MED6: variants seen among roughly 807,000 people sequenced by gnomAD.
MED6 encodes mediator complex subunit 6, also known as mediator of RNA polymerase II transcription subunit 6.
A neutral mutation model predicts 37.5 loss-of-function variants in MED6; 33 were observed. The observed-to-expected ratio is 0.88, with a 90% CI of 0.67 to 1.18. The LOEUF (loss-of-function observed/expected upper bound fraction) is 1.18. MED6 is among the 50% of genes most tolerant of loss of function. MED6 has a pLI of 0.00. For synonymous variants in MED6, 94 were observed against 93.6 expected (o/e 1.00, Z -0.02); for missense variants, 235 against 290.6 (o/e 0.81, Z 1.39).
At chr14:70,596,941 TTAAATC>T (rs1378224902) in intron 2 of MED6, among the ~76,000 whole-genome samples, 3 of 152,214 alleles carry the variant, frequency 2.0e-5, no homozygotes, top group Non-Finnish European at 2.9e-5. Context: ...TATTATAAAT[TTAAATC>T]TAAGTATTTT....
chr14:70,597,913 T>C (rs572443653), intron 1 of MED6, 136 bp from the exon 2 acceptor site: 3 of 543,660 alleles, frequency 5.5e-6, no homozygotes, highest in African/African-American at 2.0e-5. Context: ...CACACTCTCA[T>C]GATGTAACAG....
rs753276949 is a variant in MED6 at position 70,593,283 on chromosome 14, T to G, written c.357+13A>C. ...AGTTTTCTTTAGTGCTTAAAGAATG[T>G]GAAGACACTTACCACTCTAGAGTTT... On this transcript the variant is annotated intron_variant, in intron 4 of 7. Transcript: ENST00000256379. 1.0e-5 allele frequency: 16 copies of G among 1,607,544 alleles called. No homozygotes were observed. Among genetic ancestry groups the G allele is most frequent in the Non-Finnish European group, 1.4e-5 (16 of 1,174,254 alleles).
intron 6 of MED6, among the ~76,000 whole-genome samples, chr14:70,586,549 T>G (rs1884713194): frequency 6.6e-6 from 1 of 152,224 alleles, no homozygotes. Flanking sequence ...TAACTTTATA[T>G]ACATATACAC....
Position 70,584,851 on chromosome 14 carries a change from C to T in MED6, c.703G>A (p.Ala235Thr), listed in dbSNP as rs758125507. 2 of 1,614,130 alleles carry T rather than the reference C, an allele frequency of 1.2e-6. No homozygotes were observed. Among genetic ancestry groups the T allele is most frequent in the Non-Finnish European group, 1.7e-6 (2 of 1,180,012 alleles). ...TTKNVQQTVS[A>T]KGPPEKRMRL... The stretch of plus-strand genomic sequence containing the variant: ...ATCCGTTTTTCAGGGGGGCCTTTAG[C>T]ACTCACTGTCTGTTGTACATTCTTT... The change falls in exon 8 of 8, where the codon GCT becomes ACT. Residue 235 changes from alanine to threonine, a missense_variant. Coordinates refer to ENST00000256379, the MANE Select transcript of MED6 (RefSeq NM_005466.4).
chr14:70,584,984 T>TG, intron 7 of MED6, 41 bp from the exon 8 acceptor site: 1 of 1,594,028 alleles, frequency 6.3e-7, no homozygotes, highest in East Asian at 2.2e-5. Flanking sequence ...GAGATATGGG[T>TG]GGGGGGAATG....
intron 6 of MED6, among the ~76,000 whole-genome samples, chr14:70,590,863 T>C (rs1326174396): frequency 2.0e-5 from 3 of 152,256 alleles, no homozygotes; most frequent in African/African-American, 7.2e-5. Context: ...TCTGTTCTTT[T>C]TGTTACACAA....
intron 1 of MED6, among the ~76,000 whole-genome samples, chr14:70,598,923 T>C (rs528243736): frequency 1.3e-5 from 2 of 152,146 alleles, no homozygotes; most frequent in East Asian, 3.9e-4. Context: ...GGAAGTAGAG[T>C]TCCCTTAACT....
intron 1 of MED6, among the ~76,000 whole-genome samples, chr14:70,598,816 T>C (rs1885120662): frequency 1.3e-5 from 2 of 152,172 alleles, no homozygotes; most frequent in Non-Finnish European, 1.5e-5. Flanking sequence ...AACACATCTA[T>C]AGCTACCAGT....
intron 1 of MED6, 84 bp from the exon 2 acceptor site, chr14:70,597,861 A>T: frequency 9.1e-7 from 1 of 1,096,722 alleles, no homozygotes; most frequent in Non-Finnish European, 1.3e-6. Context: ...CATCAAATGT[A>T]GTAGGCACTA....
In MED6 at chr14:70,585,744, C is replaced by T; in HGVS notation, c.610+12G>A. ...TATTTCAAGCGTAATAAGAATATTA[C>T]ATGAACCATACCTGGAACAGGCTTT... is the stretch of plus-strand genomic sequence containing the variant. On this transcript the variant is annotated intron_variant, in intron 7 of 7. Transcript: ENST00000256379. 3 of 1,595,364 alleles carry T rather than the reference C, an allele frequency of 1.9e-6. No individual in the cohort carries two copies. The highest frequency in any genetic ancestry group is 2.6e-6 in the Non-Finnish European group (3 of 1,171,828).
At position 70,589,519 on chromosome 14, in the gene MED6, C is replaced by T. The variant is rs888044988; in HGVS notation, c.582+1747G>A. On this transcript the variant is annotated intron_variant, in intron 6 of 7. Transcript: ENST00000256379. Reference sequence around the variant, plus strand: ...TAGAGGAGTTTTTAGTGAGAATACACTCCTAGAGTATATACTTGAAAAACA... The same window carrying T: ...TAGAGGAGTTTTTAGTGAGAATACATTCCTAGAGTATATACTTGAAAAACA... Among the ~76,000 whole-genome samples, 12 of 152,182 alleles carry T rather than the reference C, an allele frequency of 7.9e-5. No individual in the cohort carries two copies. In the East Asian group the frequency reaches 2.1e-3, roughly 27 times the overall value.
chr14:70,585,118 C>G (rs989914289), intron 7 of MED6, among the ~76,000 whole-genome samples, 175 bp from the exon 8 acceptor site: 1 of 152,110 alleles, frequency 6.6e-6, no homozygotes, highest in African/African-American at 2.4e-5. Flanking sequence ...AACCTAACAA[C>G]CTGAAAACTC....
Position 70,584,513 on chromosome 14 carries a change from C to T in MED6, c.*300G>A. The T allele has an allele frequency of 3.2e-6, 1 of 317,034 alleles. No individual in the cohort carries two copies. The highest frequency in any genetic ancestry group is 5.8e-6 in the Non-Finnish European group (1 of 173,636). The allele number at this position is 317,034 out of a possible 1,614,324, so 19.6% of individuals were successfully genotyped here. A position where few individuals can be genotyped will look rare whatever the true frequency, so the allele number is the denominator to read the frequency against. On this transcript the variant is annotated 3_prime_UTR_variant, in exon 8 of 8. Transcript: ENST00000256379. ...GTCTCAGCCTCCCGAGTAGCTGGGACTATGGGCGCCCGCCACCACGCCCGG... is the reference window on the plus strand; with the variant it reads ...GTCTCAGCCTCCCGAGTAGCTGGGATTATGGGCGCCCGCCACCACGCCCGG...
intron 6 of MED6, 131 bp downstream of exon 6, chr14:70,591,133 TAC>T (rs940294489): frequency 3.5e-5 from 23 of 663,054 alleles, no homozygotes; most frequent in Middle Eastern, 4.1e-4. Context: ...TTTCCTTTGA[TAC>T]AGAGATCATT....
At position 70,592,972 on chromosome 14, in the gene MED6, C is replaced by T; in HGVS notation, c.374G>A (p.Gly125Asp). ...INSRVLTAVH[G>D]IQSAFDEAMS... ...AGCTTCATCAAAAGCTGACTGAATACCATGCACTGCAGTAAGCTTGTAAAA... is the reference window on the plus strand; with the variant it reads ...AGCTTCATCAAAAGCTGACTGAATATCATGCACTGCAGTAAGCTTGTAAAA... The change falls in exon 5 of 8, where the codon GGT (glycine) becomes GAT (aspartate). Residue 125 changes from glycine (G) to aspartate (D), a missense_variant. By Grantham distance (94) the Gly-to-Asp change is moderately conservative (BLOSUM62 -1). Coordinates refer to ENST00000256379, the MANE Select transcript of MED6 (RefSeq NM_005466.4). 1 of 1,613,648 alleles carries T rather than the reference C, an allele frequency of 6.2e-7. No individual in the cohort carries two copies. Among genetic ancestry groups the T allele is most frequent in the Non-Finnish European group, 8.5e-7 (1 of 1,179,858 alleles).
chr14:70,594,751 C>T, intron 3 of MED6: 1 of 519,352 alleles, frequency 1.9e-6, no homozygotes, highest in Non-Finnish European at 3.5e-6. Flanking sequence ...ATGGGATGGC[C>T]AGGGTTCTAG....
chr14:70,585,915 C>T, intron 6 of MED6, 132 bp from the exon 7 acceptor site: 1 of 647,340 alleles, frequency 1.5e-6, no homozygotes, highest in South Asian at 2.5e-5. Context: ...TTTCAAATGA[C>T]TTTGTGAAGA....
chr14:70,592,423 GGTAA>G (rs1270927409), intron 5 of MED6: 1 of 151,286 alleles, frequency 6.6e-6, no homozygotes, highest in Non-Finnish European at 1.4e-5. Context: ...TCAACAGTCA[GGTAA>G]GTAAGGAATA....
At chr14:70,593,704 G>C (rs916493328) in intron 3 of MED6, among the ~76,000 whole-genome samples, 8 of 150,726 alleles carry the variant, frequency 5.3e-5, no homozygotes, top group Admixed American at 2.6e-4. Flanking sequence ...GAATTACCTG[G>C]GGACCTTGTT....
Sources: gnomAD v4.1 joint callset for allele counts (sites outside exome capture counted in the v4.1 genomes callset) on GRCh38, gnomAD v4.1.1 for gene constraint, MANE v1.5 for transcripts, NCBI Gene and HGNC (gene_info 2026-07-23, HGNC 2026-07-21) for gene names.